The following TTC14 variants were observed in gnomAD, a reference collection of about 807,000 sequenced individuals.
TTC14 encodes tetratricopeptide repeat protein 14.
A neutral mutation model predicts 79.9 loss-of-function variants in TTC14; 63 were observed. The observed-to-expected ratio is 0.79, with a 90% CI of 0.64 to 0.97. The LOEUF (loss-of-function observed/expected upper bound fraction) is 0.97, where lower values mean the gene tolerates loss of function less well. Among genes scored for constraint, TTC14 ranks in the 50% least tolerant of loss-of-function variants. TTC14 has a pLI of 0.00. For synonymous variants in TTC14, 335 were observed against 309.6 expected, an observed-to-expected ratio of 1.08 and a Z score of -0.86; for missense variants, 895 against 894.0, an observed-to-expected ratio of 1.00 and a Z score of -0.01.
chr3:180,616,493 T>C (rs759773953), intron 12 of TTC14: 3 of 1,512,768 alleles, frequency 2.0e-6, no homozygotes, highest in Admixed American at 4.5e-5. Context: ...TTAAGAAATA[T>C]TTAATAGAAG....
rs1716678654 is a variant in TTC14, at chr3:180,606,274, TTTTA to T, written c.952_955del (p.Phe318LysfsTer9). 6.2e-7 allele frequency: 1 copy of T among 1,614,000 alleles called. No individual in the cohort carries two copies. The highest frequency in any genetic ancestry group is 1.3e-5 in the African/African-American group (1 of 74,946). On this transcript the variant is annotated frameshift_variant, in exon 8 of 12. Transcript: ENST00000296015. LOFTEE classifies it high-confidence loss of function. The stretch of plus-strand genomic sequence containing the variant: ...TTAGTGTGAAGATCGGAGTTGACTA[TTTTA>T]AAGTTGGACGCCATGTGGATGCTAT...
chr3:180,608,810 G>A lies in TTC14; in HGVS notation c.1400G>A (p.Arg467Lys). The stretch of plus-strand genomic sequence containing the variant: ...CGTAAGCTCTTAAAAGAAGAGAAGA[G>A]GTAAACTATAATATTCAGTATTTTT... ...KLRKLLKEEK[R>K]LKKKRRKSTS... is the part of the protein sequence containing the mutation. Residue 467 changes from arginine (R) to lysine (K), a missense_variant and splice_region_variant, in exon 11 of 12, where the codon AGG (arginine) becomes AAG (lysine). Transcript: ENST00000296015. 1.3e-6 allele frequency: 2 copies of A among 1,520,684 alleles called. No individual in the cohort carries two copies. The highest frequency in any genetic ancestry group is 1.8e-6 in the Non-Finnish European group (2 of 1,139,760). The allele number at this position is 1,520,684 out of a possible 1,614,324, so 94.2% of individuals were successfully genotyped here. A position where few individuals can be genotyped will look rare whatever the true frequency, so the allele number is the denominator to read the frequency against.
intron 6 of TTC14, 90 bp from the exon 7 acceptor site, chr3:180,605,676 T>G (rs1220596440): frequency 1.2e-6 from 1 of 853,984 alleles, no homozygotes; most frequent in Non-Finnish European, 1.8e-6. Flanking sequence ...ATTCATACTT[T>G]CACTGTCGAG....
chr3:180,603,302 T>G lies in TTC14; in HGVS notation c.465T>G (p.Asp155Glu), dbSNP rs145653627. The change falls in exon 3 of 12, where the codon GAT (aspartate) becomes GAG (glutamate). Residue 155 changes from aspartate to glutamate, a missense_variant. Coordinates refer to ENST00000296015, the MANE Select transcript of TTC14 (RefSeq NM_133462.4). Reference protein sequence around the residue: ...LICLGSGIMRDIAHLEITALC... With the variant: ...LICLGSGIMREIAHLEITALC... ...GTTTAGGAAGTGGTATCATGAGAGA[T>G]ATAGCCCACTTAGAAATCACAGTAA... 137 of 1,614,044 alleles carry G rather than the reference T, an allele frequency of 8.5e-5. No individual in the cohort carries two copies. In the East Asian group the frequency reaches 1.5e-3, roughly 18 times the overall value.
chr3:180,614,252 G>A (rs1321687712), downstream of TTC14: 1 of 157,480 alleles, frequency 6.4e-6, no homozygotes, highest in Non-Finnish European at 1.4e-5. Flanking sequence ...GTATCTGAAA[G>A]CAAATCTTTA....
intron 3 of TTC14, 76 bp downstream of exon 3, chr3:180,603,399 C>A: frequency 1.6e-6 from 2 of 1,247,014 alleles, no homozygotes; most frequent in Non-Finnish European, 2.4e-6. Context: ...TCTTTGCATG[C>A]AGTTGTGCTC....
chr3:180,606,009 A>G (rs1716662823), intron 7 of TTC14, 172 bp downstream of exon 7: 6 of 832,078 alleles, frequency 7.2e-6, no homozygotes, highest in Non-Finnish European at 9.3e-6. Context: ...CACTTAACAG[A>G]TAAGTTTTAC....
At chr3:180,608,608 G>A in intron 10 of TTC14, 93 bp from the exon 11 acceptor site, 1 of 1,355,414 alleles carries the variant, frequency 7.4e-7, no homozygotes, top group South Asian at 1.8e-5. Context: ...TACTAAATTG[G>A]GTTTCTCGTT....
At chr3:180,615,202 T>C, downstream of TTC14, 1 of 638,992 alleles carries the variant, frequency 1.6e-6, no homozygotes, top group Non-Finnish European at 2.5e-6. Flanking sequence ...ATATTAATAG[T>C]GTTAAGTTTT....
chr3:180,614,706 C>A, downstream of TTC14: 1 of 465,810 alleles, frequency 2.1e-6, no homozygotes, highest in Non-Finnish European at 3.8e-6. Context: ...GCTTGTATAA[C>A]ATGTAGCCTT....
In TTC14 at chr3:180,605,674, T is replaced by C. The variant is rs926457475; in HGVS notation, c.858-92T>C. The C allele has an allele frequency of 2.4e-5, 20 of 844,272 alleles. No individual in the cohort carries two copies. In the East Asian group the frequency reaches 6.2e-4, roughly 26 times the overall value. The allele number at this position is 844,272 out of a possible 1,614,324, so 52.3% of individuals were successfully genotyped here. On this transcript the variant is annotated intron_variant, in intron 6 of 11. Coordinates refer to ENST00000296015, the MANE Select transcript of TTC14 (RefSeq NM_133462.4). Reference sequence around the variant, plus strand: ...CAGATTTCTTGCTTGGGATTCATACTTTCACTGTCGAGTGCCTGTCAAGCA... The same window carrying C: ...CAGATTTCTTGCTTGGGATTCATACCTTCACTGTCGAGTGCCTGTCAAGCA...
intron 1 of TTC14, 125 bp downstream of exon 1, chr3:180,602,547 G>A: frequency 7.6e-7 from 1 of 1,315,416 alleles, no homozygotes; most frequent in Non-Finnish European, 1.0e-6. Flanking sequence ...ACGATCGCGC[G>A]CTGGTGTCTT....
At chr3:180,609,342 G>T in intron 11 of TTC14, 1 of 1,023,058 alleles carries the variant, frequency 9.8e-7, no homozygotes, top group Non-Finnish European at 1.2e-6. Flanking sequence ...TAAAAAAGTT[G>T]AGTTCTCCTT....
At chr3:180,617,786 A>G (rs533829912) in exon 13 of TTC14, 3 of 295,624 alleles carry the variant, frequency 1.0e-5, no homozygotes, top group South Asian at 1.6e-4. Context: ...GCTAAGGTCA[A>G]TTTATTATTG....
At chr3:180,606,900 TTGG>T (rs1716728889) in intron 9 of TTC14, among the ~76,000 whole-genome samples, 1 of 152,188 alleles carries the variant, frequency 6.6e-6, no homozygotes, top group Non-Finnish European at 1.5e-5. Flanking sequence ...TATTTAATGA[TTGG>T]AGCAGCTTTT....
At chr3:180,614,774 C>T (rs773632317), downstream of TTC14, 230 of 630,084 alleles carry the variant, frequency 3.7e-4, 1 homozygote, top group Non-Finnish European at 5.0e-4. Flanking sequence ...AAAATGAGAA[C>T]GTTCCTTTTT....
chr3:180,604,977 A>G lies in TTC14; in HGVS notation c.827A>G (p.Asn276Ser). ...LLEKLGIDES[N>S]PPSLMRGLQS... ...GAAAAACTAGGAATAGATGAATCTAATCCACCATCTTTAATGAGAGGCCTA... is the reference window on the plus strand; with the variant it reads ...GAAAAACTAGGAATAGATGAATCTAGTCCACCATCTTTAATGAGAGGCCTA... The change falls in exon 6 of 12, where the codon AAT becomes AGT. Residue 276 changes from asparagine (N) to serine (S), a missense_variant. Transcript: ENST00000296015. 2 of 1,613,646 alleles carry G rather than the reference A, an allele frequency of 1.2e-6. No individual in the cohort carries two copies. Among genetic ancestry groups the G allele is most frequent in the Non-Finnish European group, 1.7e-6 (2 of 1,179,806 alleles).
intron 4 of TTC14, 24 bp from the exon 5 acceptor site, chr3:180,604,454 A>C: frequency 6.4e-7 from 1 of 1,573,912 alleles, no homozygotes. Context: ...TAATCAGCTT[A>C]GTTCTCTTTT....
At chr3:180,605,037 G>A in intron 6 of TTC14, 30 bp downstream of exon 6, 1 of 1,581,468 alleles carries the variant, frequency 6.3e-7, no homozygotes, top group Non-Finnish European at 8.6e-7. Context: ...CTCTTAGATG[G>A]TGAGGGGAGT....
Sources: allele counts gnomAD v4.1 joint callset (sites outside exome capture counted in the v4.1 genomes callset), GRCh38; gene constraint gnomAD v4.1.1; transcripts MANE v1.5; gene names NCBI Gene and HGNC (gene_info 2026-07-23, HGNC 2026-07-21).